Variants in XPO6 observed in about 807,000 individuals in gnomAD.
XPO6 encodes exportin 6, also known as exportin-6.
A neutral mutation model predicts 130.0 loss-of-function variants in XPO6; 3 were observed. That is an observed-to-expected ratio of 0.02 (90% CI 0.01 to 0.06). The LOEUF (loss-of-function observed/expected upper bound fraction) is 0.06. XPO6 is among the 10% of genes least tolerant of loss of function. XPO6 has a pLI of 1.00. For synonymous variants in XPO6, 524 were observed against 548.9 expected, an observed-to-expected ratio of 0.95 and a Z score of 0.63; for missense variants, 970 against 1,393.0, an observed-to-expected ratio of 0.70 and a Z score of 4.83.
chr16:28,141,853 G>A (rs143364529), intron 9 of XPO6, among the ~76,000 whole-genome samples: 29 of 152,318 alleles, frequency 1.9e-4, no homozygotes, highest in East Asian at 1.9e-4. Flanking sequence ...CCAGCTACTC[G>A]GAAGGCTGAG....
At chr16:28,207,489 C>T (rs999204896) in intron 1 of XPO6, among the ~76,000 whole-genome samples, 10 of 152,176 alleles carry the variant, frequency 6.6e-5, no homozygotes, top group African/African-American at 2.2e-4. Context: ...TAATCAAATA[C>T]AGTTATAGTA....
intron 7 of XPO6, chr16:28,153,181 T>C (rs1250812470): frequency 3.9e-6 from 4 of 1,017,540 alleles, no homozygotes; most frequent in Admixed American, 6.0e-5. Context: ...CTAAAGTGAA[T>C]GGTGCTAAAG....
intron 14 of XPO6, among the ~76,000 whole-genome samples, chr16:28,121,268 T>C (rs980844994): frequency 1.3e-5 from 2 of 152,256 alleles, no homozygotes; most frequent in Admixed American, 1.3e-4. Context: ...TTCTGCATCC[T>C]ACAGTATCCT....
chr16:28,155,835 G>T, intron 7 of XPO6: 1 of 1,026,890 alleles, frequency 9.7e-7, no homozygotes, highest in Non-Finnish European at 1.3e-6. Context: ...AGATGGATGG[G>T]GAGAAAAGAC....
At chr16:28,205,500 T>G (rs112133917) in intron 1 of XPO6, among the ~76,000 whole-genome samples, 12 of 152,192 alleles carry the variant, frequency 7.9e-5, no homozygotes, top group African/African-American at 2.7e-4. Flanking sequence ...TCAGTACCTA[T>G]GCAATCTTTG....
chr16:28,149,510 ATAAC>A (rs537452999), intron 8 of XPO6, among the ~76,000 whole-genome samples: 77 of 152,314 alleles, frequency 5.1e-4, no homozygotes, highest in African/African-American at 1.7e-3. Flanking sequence ...CCAATTCAAG[ATAAC>A]CCCTGTATTT....
At chr16:28,209,598 CCA>C (rs2044092739) in intron 1 of XPO6, among the ~76,000 whole-genome samples, 1 of 149,466 alleles carries the variant, frequency 6.7e-6, no homozygotes, top group South Asian at 2.1e-4. Flanking sequence ...TGAGACTGCA[CCA>C]CTGCACTCCA....
At chr16:28,178,131 A>G (rs574425747) in intron 2 of XPO6, among the ~76,000 whole-genome samples, 1 of 152,320 alleles carries the variant, frequency 6.6e-6, no homozygotes, top group South Asian at 2.1e-4. Context: ...AAAAAGGGTA[A>G]AAGTGCAAAG....
intron 9 of XPO6, among the ~76,000 whole-genome samples, chr16:28,142,092 C>T (rs966655473): frequency 1.3e-5 from 2 of 152,218 alleles, no homozygotes; most frequent in African/African-American, 4.8e-5. Context: ...GAAATGAGTG[C>T]TGCCTTTGTG....
chr16:28,200,315 T>A (rs996960686), intron 1 of XPO6, among the ~76,000 whole-genome samples: 5 of 152,176 alleles, frequency 3.3e-5, no homozygotes, highest in Non-Finnish European at 7.4e-5. Flanking sequence ...ATAACCTTCA[T>A]ATAAAACAGC....
intron 14 of XPO6, 117 bp downstream of exon 14, chr16:28,121,553 A>T: frequency 1.2e-6 from 1 of 805,298 alleles, no homozygotes; most frequent in Non-Finnish European, 2.1e-6. Context: ...TTTGCAGTTT[A>T]AGAGTTTTTC....
chr16:28,180,053 T>C (rs760682644), intron 2 of XPO6, among the ~76,000 whole-genome samples: 7 of 152,182 alleles, frequency 4.6e-5, no homozygotes, highest in Non-Finnish European at 7.3e-5. Flanking sequence ...CTTCAAAGAA[T>C]ACAGTAGAGT....
intron 6 of XPO6, among the ~76,000 whole-genome samples, chr16:28,161,273 C>A (rs936046817): frequency 6.6e-6 from 1 of 152,100 alleles, no homozygotes; most frequent in Non-Finnish European, 1.5e-5. Flanking sequence ...ACATACCTGG[C>A]CTTTGGGACT....
rs145368246 is a variant in XPO6 at position 28,111,870 on chromosome 16, C to T, written c.2288G>A (p.Arg763His). 7.2e-5 allele frequency: 116 copies of T among 1,613,998 alleles called. No individual in the cohort carries two copies. The highest frequency in any genetic ancestry group is 9.6e-5 in the Non-Finnish European group (113 of 1,180,034). Residue 763 changes from arginine to histidine, a missense_variant, in exon 17 of 24, where the codon CGC (arginine) becomes CAC (histidine). Arg to His is a conservative substitution (Grantham distance 29). Around this residue, in one of 4 missense-constraint regions of XPO6, gnomAD observed 936 missense variants for 1,306.8 expected, o/e 0.72. Coordinates refer to ENST00000304658, the MANE Select transcript of XPO6 (RefSeq NM_015171.4). Reference protein sequence around the residue: ...SLISALSRDYRNLKPSAVAPQ... With the variant: ...SLISALSRDYHNLKPSAVAPQ... ...GGCAACAGCACTGGGCTTCAGGTTG[C>T]GATAGTCCCGGGAGAGTGCAGAGAT...
intron 7 of XPO6, chr16:28,155,805 G>T: frequency 1.5e-6 from 1 of 667,822 alleles, no homozygotes; most frequent in Non-Finnish European, 2.1e-6. Flanking sequence ...GGGGGCAAGA[G>T]GAGTAGAAGG....
chr16:28,132,209 A>C lies in XPO6; in HGVS notation c.1606+125T>G. The stretch of plus-strand genomic sequence containing the variant: ...AAACGTTCCCTGTTTCGAAGTGGGG[A>C]GAGATGCCAGTGGGGAGGCTGCAGT... On this transcript the variant is annotated intron_variant, in intron 12 of 23. Transcript: ENST00000304658. The surrounding 1 kb of genome is among the most constrained non-coding windows in gnomAD (Gnocchi z 4.0). The C allele has an allele frequency of 9.6e-6, 7 of 727,084 alleles. No individual in the cohort carries two copies. Among genetic ancestry groups the C allele is most frequent in the Non-Finnish European group, 1.4e-5 (6 of 426,864 alleles). The allele number at this position is 727,084 out of a possible 1,614,324, so 45.0% of individuals were successfully genotyped here. A position where few individuals can be genotyped will look rare whatever the true frequency, so the allele number is the denominator to read the frequency against.
rs1163899252 is a variant in XPO6, at chr16:28,117,477, G to T, written c.1860-15C>A. 3 of 1,609,410 alleles carry T rather than the reference G, an allele frequency of 1.9e-6. No individual in the cohort carries two copies. Among genetic ancestry groups the T allele is most frequent in the South Asian group, 2.2e-5 (2 of 90,998 alleles). ...ACTGAGCATGCCTGCAGAAAGAAAA[G>T]AAGATGTGATTTTAAAGGTTAAGGT... On this transcript the variant is annotated splice_polypyrimidine_tract_variant and intron_variant, in intron 14 of 23. Coordinates refer to ENST00000304658, the MANE Select transcript of XPO6 (RefSeq NM_015171.4).
chr16:28,139,672 C>T (rs543808015), intron 9 of XPO6, among the ~76,000 whole-genome samples: 9 of 152,132 alleles, frequency 5.9e-5, no homozygotes, highest in Middle Eastern at 3.4e-3. Flanking sequence ...GGTTTCCATA[C>T]CACCCTTGTG....
chr16:28,146,816 C>A (rs1426206325), intron 8 of XPO6, among the ~76,000 whole-genome samples: 1 of 152,190 alleles, frequency 6.6e-6, no homozygotes, highest in Admixed American at 6.5e-5. Flanking sequence ...CAACCTCCAA[C>A]CAGGTGCTGA....
Sources: gnomAD v4.1 joint callset for allele counts (sites outside exome capture counted in the v4.1 genomes callset) on GRCh38, gnomAD v4.1.1 for gene constraint, gnomAD v4.1.1 regional missense constraint, Gnocchi (gnomAD v3.1) non-coding constraint, MANE v1.5 for transcripts, NCBI Gene and HGNC (gene_info 2026-07-23, HGNC 2026-07-21) for gene names.